The following RBFOX1 variants were observed in gnomAD, a reference collection of about 807,000 sequenced individuals.
The protein encoded by RBFOX1 is RNA binding protein fox-1 homolog 1.
Under a neutral mutation model 57.7 loss-of-function variants are expected in RBFOX1, and 8 were observed. That is an observed-to-expected ratio of 0.14 (90% CI 0.08 to 0.25). RBFOX1 has a LOEUF of 0.25. Ranked by LOEUF, RBFOX1 falls within the 10% of genes least tolerant of loss-of-function variation. The pLI is 1.00. For missense variants in RBFOX1, 611 were observed against 548.5 expected, an observed-to-expected ratio of 1.11 and a Z score of -1.14; for synonymous variants, 326 against 222.4, an observed-to-expected ratio of 1.47 and a Z score of -4.15.
At chr16:6,071,768 C>A (rs2095840814) in intron 1 of RBFOX1, among the ~76,000 whole-genome samples, 1 of 152,162 alleles carries the variant, frequency 6.6e-6, no homozygotes, top group Non-Finnish European at 1.5e-5. Flanking sequence ...TCCTGGTTAC[C>A]ACCATTCTCC....
chr16:6,620,966 T>A (rs2098221267), intron 2 of RBFOX1, among the ~76,000 whole-genome samples: 1 of 152,196 alleles, frequency 6.6e-6, no homozygotes, highest in Admixed American at 6.5e-5. Context: ...AAGGCAGAAG[T>A]CTGAAATCAG....
At chr16:7,629,312 TA>T (rs2060565212) in intron 10 of RBFOX1, among the ~76,000 whole-genome samples, 1 of 152,192 alleles carries the variant, frequency 6.6e-6, no homozygotes, top group African/African-American at 2.4e-5. Flanking sequence ...TTGGAAGTTT[TA>T]ACTACATTTT....
chr16:6,755,790 T>G (rs2154194753), intron 3 of RBFOX1, among the ~76,000 whole-genome samples: 1 of 152,316 alleles, frequency 6.6e-6, no homozygotes, highest in East Asian at 1.9e-4. Context: ...TCCCCTTCTT[T>G]TAACTGTTGC....
intron 4 of RBFOX1, among the ~76,000 whole-genome samples, chr16:7,099,171 T>G (rs1489234885): frequency 6.6e-6 from 1 of 152,214 alleles, no homozygotes; most frequent in Non-Finnish European, 1.5e-5. Context: ...CCATCAATAC[T>G]GTTGTCATTA....
chr16:7,432,919 G>A (rs1290927085), intron 4 of RBFOX1, among the ~76,000 whole-genome samples: 5 of 152,208 alleles, frequency 3.3e-5, no homozygotes, highest in African/African-American at 4.8e-5. Context: ...TGTTGCCCCA[G>A]AGGATTCAAT....
At chr16:5,726,052 C>G (rs1296919109) in intron 3 of RBFOX1, among the ~76,000 whole-genome samples, 1 of 151,984 alleles carries the variant, frequency 6.6e-6, no homozygotes, top group African/African-American at 2.4e-5. Flanking sequence ...CTTCTCTCTA[C>G]TTCCTTTTTC....
chr16:5,743,795 A>C (rs1597068417), intron 3 of RBFOX1, among the ~76,000 whole-genome samples: 1 of 151,454 alleles, frequency 6.6e-6, no homozygotes, highest in Non-Finnish European at 1.5e-5. Flanking sequence ...CTCCCACCTC[A>C]CCCTCCCAAA....
chr16:5,992,735 A>T (rs2152320868), intron 4 of RBFOX1, among the ~76,000 whole-genome samples: 1 of 152,300 alleles, frequency 6.6e-6, no homozygotes, highest in East Asian at 1.9e-4. Context: ...GTAGTTCAAG[A>T]CCGGCCTGGC....
intron 4 of RBFOX1, among the ~76,000 whole-genome samples, chr16:7,227,308 A>G (rs1464502897): frequency 1.1e-5 from 1 of 87,416 alleles, no homozygotes; most frequent in African/African-American, 2.9e-5. Context: ...ACACACACAC[A>G]GCAAGGGAGG....
intron 4 of RBFOX1, among the ~76,000 whole-genome samples, chr16:7,255,197 G>T (rs560227122): frequency 2.0e-5 from 3 of 152,300 alleles, no homozygotes; most frequent in African/African-American, 7.2e-5. Context: ...TGAGGGTAGA[G>T]ATATGACTTG....
intron 1 of RBFOX1, among the ~76,000 whole-genome samples, chr16:6,155,554 A>C (rs920721341): frequency 5.9e-5 from 9 of 152,214 alleles, no homozygotes; most frequent in Non-Finnish European, 1.3e-4. Context: ...GAAATGTCCC[A>C]CATCGATAGT....
At chr16:5,366,093 C>T (rs1422913745) in intron 1 of RBFOX1, 20 of 466,852 alleles carry the variant, frequency 4.3e-5, no homozygotes, top group Admixed American at 2.7e-4. Flanking sequence ...AGTGCTCTTA[C>T]GGTTGAAGTG....
intron 4 of RBFOX1, among the ~76,000 whole-genome samples, chr16:7,442,816 G>A (rs1344168408): frequency 6.6e-6 from 1 of 152,182 alleles, no homozygotes; most frequent in East Asian, 1.9e-4. Context: ...TTTGGTCAGG[G>A]TGGCTGGGTG....
intron 4 of RBFOX1, among the ~76,000 whole-genome samples, chr16:7,311,245 CT>C (rs751755179): frequency 1.3e-5 from 2 of 152,176 alleles, no homozygotes; most frequent in Non-Finnish European, 1.5e-5. Flanking sequence ...CAGTCCTACC[CT>C]GTTTTGATCC....
chr16:7,561,576 G>A (rs183763162), intron 5 of RBFOX1, among the ~76,000 whole-genome samples: 133 of 152,282 alleles, frequency 8.7e-4, no homozygotes, highest in African/African-American at 3.1e-3. Flanking sequence ...TTTGTTCAGA[G>A]ACATATCGGT....
intron 1 of RBFOX1, among the ~76,000 whole-genome samples, chr16:5,363,583 G>C (rs1216291358): frequency 6.6e-6 from 1 of 152,134 alleles, no homozygotes; most frequent in African/African-American, 2.4e-5. Flanking sequence ...CTCATCCCCA[G>C]GGCTCAGTTG....
At chr16:6,105,981 C>G (rs1172543264) in intron 1 of RBFOX1, among the ~76,000 whole-genome samples, 7 of 152,006 alleles carry the variant, frequency 4.6e-5, no homozygotes, top group African/African-American at 2.4e-5. Flanking sequence ...GCTCTTTACA[C>G]TAATATTGCT....
chr16:5,553,720 CACATATATATGTATATATATGTGTGT>C (rs2045560875), intron 2 of RBFOX1, among the ~76,000 whole-genome samples: 1 of 78,300 alleles, frequency 1.3e-5, no homozygotes, highest in Admixed American at 1.5e-4. Flanking sequence ...TGTGTATATA[CACATATATATGTATATATATGTGTGT>C]ATTTATGTAT....
intron 3 of RBFOX1, among the ~76,000 whole-genome samples, chr16:7,024,286 C>T (rs933272033): frequency 6.6e-6 from 1 of 152,052 alleles, no homozygotes; most frequent in Non-Finnish European, 1.5e-5. Context: ...ACAAAGACTA[C>T]CATGGAGAGC....
Sources: gnomAD v4.1 joint callset for allele counts (sites outside exome capture counted in the v4.1 genomes callset) on GRCh38, gnomAD v4.1.1 for gene constraint, MANE v1.5 for transcripts, NCBI Gene and HGNC (gene_info 2026-07-23, HGNC 2026-07-21) for gene names.